The following ATP2B4 variants were observed in gnomAD, a reference collection of about 807,000 sequenced individuals.
ATP2B4 encodes the protein ATPase plasma membrane Ca2+ transporting 4, also known as plasma membrane calcium-transporting ATPase 4.
A neutral mutation model predicts 110.3 loss-of-function variants in ATP2B4; 39 were observed. That is an observed-to-expected ratio of 0.35 (90% CI 0.27 to 0.46). The LOEUF (loss-of-function observed/expected upper bound fraction) is 0.46. Among genes scored for constraint, ATP2B4 ranks in the 20% least tolerant of loss-of-function variants. The pLI is 1.00. For synonymous variants in ATP2B4, 538 were observed against 571.7 expected (o/e 0.94, Z 0.84); for missense variants, 1,135 against 1,530.9 (o/e 0.74, Z 4.32).
At chr1:203,683,666 CTTTTTTTT>C (rs11326748) in intron 2 of ATP2B4, among the ~76,000 whole-genome samples, 6 of 77,700 alleles carry the variant, frequency 7.7e-5, no homozygotes, top group Admixed American at 2.0e-4. Context: ...TCTTTTGTTT[CTTTTTTTT>C]TTTTTTTTTT....
intron 20 of ATP2B4, among the ~76,000 whole-genome samples, chr1:203,734,170 G>A (rs1395130833): frequency 2.6e-5 from 4 of 151,936 alleles, no homozygotes; most frequent in South Asian, 2.1e-4. Context: ...GCGTGGTGGC[G>A]GGCACCTGTA....
intron 1 of ATP2B4, among the ~76,000 whole-genome samples, chr1:203,671,732 T>G (rs191437676): frequency 4.5e-4 from 68 of 152,338 alleles, no homozygotes; most frequent in African/African-American, 1.6e-3. Flanking sequence ...CTAAGGGTCC[T>G]CACCACCTTG....
At chr1:203,643,491 TCCCAGCACACA>T (rs1248905814) in intron 1 of ATP2B4, among the ~76,000 whole-genome samples, 3 of 152,200 alleles carry the variant, frequency 2.0e-5, no homozygotes, top group African/African-American at 7.2e-5. Context: ...CCCCTGCTTT[TCCCAGCACACA>T]CCCACGCAGA....
chr1:203,641,155 C>T (rs574791768), intron 1 of ATP2B4, among the ~76,000 whole-genome samples: 35 of 152,222 alleles, frequency 2.3e-4, no homozygotes, highest in Non-Finnish European at 4.3e-4. Flanking sequence ...CAGATGGGCT[C>T]CTGCTCTTTC....
chr1:203,733,286 A>G (rs146975542), intron 20 of ATP2B4: 38 of 1,614,014 alleles, frequency 2.4e-5, no homozygotes, highest in African/African-American at 1.1e-4. Flanking sequence ...GCGACAGAAC[A>G]TGGGTCAACA....
intron 1 of ATP2B4, among the ~76,000 whole-genome samples, chr1:203,661,509 C>T (rs1664337896): frequency 2.0e-5 from 3 of 152,196 alleles, no homozygotes; most frequent in Admixed American, 2.0e-4. Flanking sequence ...CTGCTGTAAC[C>T]AGGTGCCTGT....
At position 203,708,076 on chromosome 1, in the gene ATP2B4, T is replaced by A. The variant is rs1030174730; in HGVS notation, c.1529T>A (p.Ile510Asn). 6.2e-7 allele frequency: 1 copy of A among 1,614,104 alleles called. No homozygotes were observed. The highest frequency in any genetic ancestry group is 8.5e-7 in the Non-Finnish European group (1 of 1,180,044). Residue 510 changes from isoleucine (I) to asparagine (N), a missense_variant, in exon 10 of 21, where the codon ATC becomes AAC. Transcript: ENST00000357681. ...VLDLIVNGISINSAYTSKILP... is the reference protein window; with the variant it reads ...VLDLIVNGISNNSAYTSKILP... ...GACCTCATTGTCAATGGCATTTCTATCAACAGTGCTTATACCTCCAAGATT... is the reference window on the plus strand; with the variant it reads ...GACCTCATTGTCAATGGCATTTCTAACAACAGTGCTTATACCTCCAAGATT...
intron 1 of ATP2B4, among the ~76,000 whole-genome samples, chr1:203,645,881 G>T (rs1284008782): frequency 6.6e-6 from 1 of 152,012 alleles, no homozygotes. Context: ...GAGCCACCGT[G>T]CCCGGCCGTA....
rs1160637837 is a variant in ATP2B4 at position 203,712,109 on chromosome 1, C to T, written c.2181C>T (p.Phe727=). 1 of 1,614,120 alleles carries T rather than the reference C, an allele frequency of 6.2e-7. No individual in the cohort carries two copies. Among genetic ancestry groups the T allele is most frequent in the Non-Finnish European group, 8.5e-7 (1 of 1,180,006 alleles). Reference sequence around the variant, plus strand: ...TCCTGTGCTTAGAAGGCAAAGAATTCAACCGGCTCATCCGCAACGAGAAAG... The same window carrying T: ...TCCTGTGCTTAGAAGGCAAAGAATTTAACCGGCTCATCCGCAACGAGAAAG... ...DDFLCLEGKE[F]NRLIRNEKGE... Residue 727 remains phenylalanine, a synonymous_variant, in exon 13 of 21, where the codon TTC becomes TTT. Coordinates refer to ENST00000357681, the MANE Select transcript of ATP2B4 (RefSeq NM_001684.5).
At chr1:203,721,642 ATTTC>A (rs1427230722) in intron 17 of ATP2B4, among the ~76,000 whole-genome samples, 2 of 127,956 alleles carry the variant, frequency 1.6e-5, no homozygotes, top group Non-Finnish European at 1.7e-5. Context: ...AGGCTTTATT[ATTTC>A]TTTCTTTCTT....
chr1:203,687,789 G>A (rs537315364), intron 2 of ATP2B4, among the ~76,000 whole-genome samples: 1 of 151,796 alleles, frequency 6.6e-6, no homozygotes, highest in African/African-American at 2.4e-5. Flanking sequence ...ATCTCTTTTG[G>A]CTGGCCGCAG....
Position 203,740,187 on chromosome 1 carries a change from C to A in ATP2B4, c.*333C>A. On this transcript the variant is annotated 3_prime_UTR_variant, in exon 21 of 21. Coordinates refer to ENST00000357681, the MANE Select transcript of ATP2B4 (RefSeq NM_001684.5). ...CCCACATTCTCCCCGATGTTCCTCT[C>A]CTGAATTCTGGATTTTGTCCTACAA... 3.8e-6 allele frequency: 1 copy of A among 260,666 alleles called. No individual in the cohort carries two copies. The highest frequency in any genetic ancestry group is 7.3e-6 in the Non-Finnish European group (1 of 136,130). 16.1% of individuals were successfully genotyped at this position (260,666 alleles called of 1,614,324 possible). A position where few individuals can be genotyped will look rare whatever the true frequency, so the allele number is the denominator to read the frequency against.
intron 1 of ATP2B4, among the ~76,000 whole-genome samples, chr1:203,653,675 G>A (rs562781403): frequency 2.0e-5 from 3 of 152,110 alleles, no homozygotes; most frequent in Non-Finnish European, 4.4e-5. Flanking sequence ...TTCTGCCTTA[G>A]CCTCCTGAGT....
intron 20 of ATP2B4, among the ~76,000 whole-genome samples, chr1:203,736,096 C>G (rs1168249069): frequency 2.6e-5 from 4 of 152,222 alleles, no homozygotes; most frequent in Non-Finnish European, 4.4e-5. Context: ...AACTGTTTGT[C>G]CAACCTTCAT....
chr1:203,741,789 T>C lies in ATP2B4; in HGVS notation c.*1935T>C, dbSNP rs975106353. 7.1e-6 allele frequency: 1 copy of C among 140,830 alleles called. No individual in the cohort carries two copies. Among genetic ancestry groups the C allele is most frequent in the Non-Finnish European group, 1.5e-5 (1 of 65,036 alleles). 8.7% of individuals were successfully genotyped at this position (140,830 alleles called of 1,614,324 possible). On this transcript the variant is annotated 3_prime_UTR_variant, in exon 21 of 21. Transcript: ENST00000357681. Reference sequence around the variant, plus strand: ...TTGTAAAACGTACATGCTTCAATAATTCTTTTTTGTGTCTTAAATACTCAT... The same window carrying C: ...TTGTAAAACGTACATGCTTCAATAACTCTTTTTTGTGTCTTAAATACTCAT...
chr1:203,676,733 C>T (rs1664839823), intron 1 of ATP2B4, among the ~76,000 whole-genome samples: 1 of 151,876 alleles, frequency 6.6e-6, no homozygotes, highest in African/African-American at 2.4e-5. Flanking sequence ...TCATCCCCAC[C>T]ACTGGGCTCT....
chr1:203,699,177 A>G (rs1461808950), intron 3 of ATP2B4, among the ~76,000 whole-genome samples: 1 of 152,208 alleles, frequency 6.6e-6, no homozygotes, highest in Non-Finnish European at 1.5e-5. Flanking sequence ...AAGCCTGACC[A>G]TGTTGGGAAC....
chr1:203,636,664 A>C (rs1321855845), intron 1 of ATP2B4, among the ~76,000 whole-genome samples: 2 of 152,122 alleles, frequency 1.3e-5, no homozygotes, highest in Non-Finnish European at 2.9e-5. Flanking sequence ...CTGCTGTGTA[A>C]CCTTGATTGA....
intron 1 of ATP2B4, among the ~76,000 whole-genome samples, chr1:203,674,588 C>T (rs1396500959): frequency 6.8e-6 from 1 of 146,120 alleles, no homozygotes. Flanking sequence ...ATTCTCCTGT[C>T]TCAGCCTTCT....
Sources: gnomAD v4.1 joint callset for allele counts (sites outside exome capture counted in the v4.1 genomes callset) on GRCh38, gnomAD v4.1.1 for gene constraint, MANE v1.5 for transcripts, NCBI Gene and HGNC (gene_info 2026-07-23, HGNC 2026-07-21) for gene names.